The following CA10 variants were observed in gnomAD, a reference collection of about 807,000 sequenced individuals.
CA10 encodes carbonic anhydrase-related protein 10.
CA10 carries 14 observed loss-of-function variants against 44.2 expected under a neutral mutation model. That is an observed-to-expected ratio of 0.32 (90% confidence interval 0.21 to 0.50). The LOEUF is 0.50. CA10 is among the 20% of genes least tolerant of loss of function. The pLI, the probability that CA10 is intolerant of heterozygous loss-of-function variation, is 0.99. For missense variants in CA10, 350 were observed against 409.7 expected, an observed-to-expected ratio of 0.85 and a Z score of 1.26; for synonymous variants, 159 against 141.6, an observed-to-expected ratio of 1.12 and a Z score of -0.87.
chr17:51,673,465 C>T (rs997811066), intron 4 of CA10, among the ~76,000 whole-genome samples: 2 of 152,188 alleles, frequency 1.3e-5, no homozygotes, highest in Non-Finnish European at 2.9e-5. Flanking sequence ...CATCATCCTC[C>T]CAGTGCTATA....
chr17:51,991,150 C>A (rs978739458), intron 2 of CA10, among the ~76,000 whole-genome samples: 3 of 152,030 alleles, frequency 2.0e-5, no homozygotes, highest in Non-Finnish European at 4.4e-5. Flanking sequence ...TTTCTGACAG[C>A]AATGAGAAAA....
In CA10 at chr17:51,897,840, T is replaced by A. The variant is rs146737869; in HGVS notation, c.279+33150A>T. Among the ~76,000 whole-genome samples the A allele has an allele frequency of 2.9e-3, 423 of 148,116 alleles. 1 individual carries two copies. The highest frequency in any genetic ancestry group is 9.4e-3 in the African/African-American group (378 of 40,382). On this transcript the variant is annotated intron_variant, in intron 3 of 8. Transcript: ENST00000451037. The stretch of plus-strand genomic sequence containing the variant: ...TTTTTTGTGGCTGTTGTGAATAAGA[T>A]CATGTTCTAGATTTGACTGTCAGCT...
intron 2 of CA10, among the ~76,000 whole-genome samples, chr17:52,017,487 G>A (rs1278005750): frequency 1.3e-5 from 2 of 152,104 alleles, no homozygotes; most frequent in African/African-American, 4.8e-5. Context: ...ATGTCCTAGG[G>A]ATCCGTGGAA....
At chr17:51,640,190 G>A (rs952978371) in intron 6 of CA10, among the ~76,000 whole-genome samples, 1 of 152,184 alleles carries the variant, frequency 6.6e-6, no homozygotes, top group Non-Finnish European at 1.5e-5. Flanking sequence ...CACATACTGG[G>A]TGTTTAGTAA....
intron 2 of CA10, among the ~76,000 whole-genome samples, chr17:52,003,140 C>T (rs1985484817): frequency 6.6e-6 from 1 of 151,950 alleles, no homozygotes; most frequent in Non-Finnish European, 1.5e-5. Flanking sequence ...TTATTGATCC[C>T]TGAATATAGT....
At chr17:51,856,574 T>C (rs558357449) in intron 3 of CA10, among the ~76,000 whole-genome samples, 1 of 152,254 alleles carries the variant, frequency 6.6e-6, no homozygotes, top group South Asian at 2.1e-4. Context: ...AACACCAAAC[T>C]TCTGCACAAA....
chr17:52,060,918 A>C, intron 2 of CA10, among the ~76,000 whole-genome samples: 1 of 152,194 alleles, frequency 6.6e-6, no homozygotes, highest in East Asian at 1.9e-4. Flanking sequence ...CTCATCTGGA[A>C]AAAGGGGAGT....
chr17:52,046,949 T>A (rs1310527172), intron 2 of CA10, among the ~76,000 whole-genome samples: 2 of 151,962 alleles, frequency 1.3e-5, no homozygotes, highest in Admixed American at 6.6e-5. Context: ...GCCATTTCCA[T>A]AGATGCAGCA....
intron 2 of CA10, among the ~76,000 whole-genome samples, chr17:51,948,669 G>A (rs1983373493): frequency 6.6e-6 from 1 of 151,992 alleles, no homozygotes; most frequent in South Asian, 2.1e-4. Flanking sequence ...CTTTTTTGTG[G>A]TGCACCAGGG....
At chr17:51,837,527 T>C (rs1035978870) in intron 3 of CA10, among the ~76,000 whole-genome samples, 20 of 152,220 alleles carry the variant, frequency 1.3e-4, no homozygotes, top group African/African-American at 4.6e-4. Context: ...AATAATTATC[T>C]GAAATGACAT....
intron 1 of CA10, among the ~76,000 whole-genome samples, chr17:52,132,812 T>C (rs952336443): frequency 3.3e-5 from 5 of 152,090 alleles, no homozygotes; most frequent in African/African-American, 1.2e-4. Flanking sequence ...AGGGCCCTCA[T>C]CAGGACTGGG....
At chr17:52,023,281 TAGAG>T (rs1986198936) in intron 2 of CA10, among the ~76,000 whole-genome samples, 1 of 151,728 alleles carries the variant, frequency 6.6e-6, no homozygotes, top group Non-Finnish European at 1.5e-5. Context: ...TGGAACAAAA[TAGAG>T]AGCCCAGAAA....
chr17:51,783,322 C>T (rs1038674858), intron 3 of CA10, among the ~76,000 whole-genome samples: 7 of 152,304 alleles, frequency 4.6e-5, no homozygotes, highest in African/African-American at 1.4e-4. Context: ...CAGTGTTTCA[C>T]ACACCCTGGG....
chr17:51,867,409 A>G (rs1336166581), intron 3 of CA10, among the ~76,000 whole-genome samples: 2 of 152,214 alleles, frequency 1.3e-5, no homozygotes, highest in African/African-American at 2.4e-5. Flanking sequence ...TTAGGGGAAG[A>G]CAGATCTGAA....
intron 1 of CA10, among the ~76,000 whole-genome samples, chr17:52,152,342 A>G (rs576354875): frequency 6.6e-6 from 1 of 152,276 alleles, no homozygotes; most frequent in South Asian, 2.1e-4. Context: ...TCTCAATTCA[A>G]TAGCTCCCTA....
intron 1 of CA10, among the ~76,000 whole-genome samples, chr17:52,121,637 T>A (rs1238238842): frequency 6.8e-6 from 1 of 147,850 alleles, no homozygotes; most frequent in East Asian, 2.0e-4. Context: ...TGGAAAAAAA[T>A]GAGGGAATCT....
At chr17:51,806,470 G>T (rs187622227) in intron 3 of CA10, among the ~76,000 whole-genome samples, 1 of 152,100 alleles carries the variant, frequency 6.6e-6, no homozygotes, top group Non-Finnish European at 1.5e-5. Context: ...GATTGCATGG[G>T]GAAAAACATC....
chr17:52,054,771 G>A (rs114107276), intron 2 of CA10, among the ~76,000 whole-genome samples: 1,626 of 151,966 alleles, frequency 0.011, 29 homozygotes, highest in African/African-American at 0.037. Context: ...AATTTCCCCC[G>A]ATAGATATGG....
At chr17:51,813,659 A>G (rs546993559) in intron 3 of CA10, among the ~76,000 whole-genome samples, 9 of 152,118 alleles carry the variant, frequency 5.9e-5, no homozygotes, top group Non-Finnish European at 1.3e-4. Context: ...CTGGAGCTTT[A>G]GTGGATTCTC....
Sources: gnomAD v4.1 joint callset for allele counts (sites outside exome capture counted in the v4.1 genomes callset) on GRCh38, gnomAD v4.1.1 for gene constraint, MANE v1.5 for transcripts, NCBI Gene and HGNC (gene_info 2026-07-23, HGNC 2026-07-21) for gene names.